RIMS2: variants seen among roughly 807,000 people sequenced by gnomAD.
The protein encoded by RIMS2 is regulating synaptic membrane exocytosis 2.
RIMS2 carries 59 observed loss-of-function variants against 174.4 expected under a neutral mutation model. The ratio of observed to expected loss-of-function variants is 0.34; its 90% CI spans 0.27 to 0.42. The LOEUF (loss-of-function observed/expected upper bound fraction) is 0.42, where lower values mean the gene tolerates loss of function less well. Ranked by LOEUF, RIMS2 falls within the 10% of genes least tolerant of loss-of-function variation. The pLI, the probability that RIMS2 is intolerant of heterozygous loss-of-function variation, is 1.00. For synonymous variants in RIMS2, 606 were observed against 572.5 expected (o/e 1.06, Z -0.84); for missense variants, 1,620 against 1,666.3 (o/e 0.97, Z 0.48).
chr8:103,652,206 G>A (rs1477828955), intron 1 of RIMS2: 2 of 1,346,946 alleles, frequency 1.5e-6, no homozygotes, highest in Non-Finnish European at 2.0e-6. Context: ...TCTTTTTAGG[G>A]TCAAAGAAGA....
At chr8:104,255,877 CTG>C (rs2099366807), downstream of RIMS2, 1 of 152,196 alleles carries the variant, frequency 6.6e-6, no homozygotes, top group Non-Finnish European at 1.5e-5. Context: ...AACAACAAGT[CTG>C]TGCCACACAC....
chr8:103,589,620 C>G (rs1214544285), intron 1 of RIMS2, among the ~76,000 whole-genome samples: 1 of 151,464 alleles, frequency 6.6e-6, no homozygotes, highest in Non-Finnish European at 1.5e-5. Flanking sequence ...GAAGAAGTAT[C>G]TGAACTCCTA....
At chr8:103,746,755 A>G (rs893826337) in intron 2 of RIMS2, among the ~76,000 whole-genome samples, 3 of 151,786 alleles carry the variant, frequency 2.0e-5, no homozygotes, top group African/African-American at 7.3e-5. Context: ...ATCTCGGCTC[A>G]CTGCAACCTC....
rs1439228407 is a variant in RIMS2, at chr8:103,589,071, AAG to A, written c.176+88011_176+88012del. ...CTACCTAGAGCATTCAGACAAGAGAAAGAAATAAAGGGCATCTAAGTTGGAAA... is the reference window on the plus strand; with the variant it reads ...CTACCTAGAGCATTCAGACAAGAGAAAAATAAAGGGCATCTAAGTTGGAAA... On this transcript the variant is annotated intron_variant, in intron 1 of 23. Coordinates refer to ENST00000504942, the Ensembl canonical transcript of RIMS2. Among the ~76,000 whole-genome samples the A allele has an allele frequency of 2.6e-5, 4 of 151,838 alleles. No individual in the cohort carries two copies. The East Asian group carries it at 7.7e-4, about 29-fold the overall frequency.
At chr8:103,611,790 T>C (rs2095374757) in intron 1 of RIMS2, among the ~76,000 whole-genome samples, 1 of 152,102 alleles carries the variant, frequency 6.6e-6, no homozygotes, top group African/African-American at 2.4e-5. Context: ...TTCTATAGCC[T>C]TCTTGTACTT....
intron 19 of RIMS2, among the ~76,000 whole-genome samples, chr8:104,194,680 C>A (rs1274389867): frequency 6.6e-6 from 1 of 152,010 alleles, no homozygotes; most frequent in Non-Finnish European, 1.5e-5. Context: ...AATAAATAGA[C>A]ATATTATATA....
chr8:103,635,504 C>A (rs764972046), intron 1 of RIMS2, among the ~76,000 whole-genome samples: 6 of 152,278 alleles, frequency 3.9e-5, no homozygotes, highest in Admixed American at 1.3e-4. Context: ...CCTTTCTAGT[C>A]CCTAGTCACC....
chr8:103,725,422 T>G (rs904317613), intron 2 of RIMS2, among the ~76,000 whole-genome samples: 1 of 152,192 alleles, frequency 6.6e-6, no homozygotes, highest in African/African-American at 2.4e-5. Context: ...GCAATCACCC[T>G]TCTGACCTTA....
At chr8:104,243,898 G>GT (rs2099316567) in intron 19 of RIMS2, among the ~76,000 whole-genome samples, 1 of 152,116 alleles carries the variant, frequency 6.6e-6, no homozygotes, top group African/African-American at 2.4e-5. Context: ...TTTGGGCTCA[G>GT]TTTTTTGTGG....
chr8:104,094,023 A>G (rs1053764855), intron 19 of RIMS2, among the ~76,000 whole-genome samples: 1 of 151,998 alleles, frequency 6.6e-6, no homozygotes, highest in Non-Finnish European at 1.5e-5. Flanking sequence ...TAAGAATGTT[A>G]CTTTTTCAGT....
chr8:103,864,400 T>G (rs913651710), intron 3 of RIMS2, among the ~76,000 whole-genome samples: 8 of 152,140 alleles, frequency 5.3e-5, no homozygotes, highest in African/African-American at 1.9e-4. Context: ...TCTCAAAAAG[T>G]TGATTTCTGT....
At chr8:104,253,163 A>C (rs2099362974), downstream of RIMS2, 1 of 152,236 alleles carries the variant, frequency 6.6e-6, no homozygotes, top group South Asian at 2.1e-4. Flanking sequence ...TTCAGTTTAC[A>C]GGAAAATTCT....
intron 19 of RIMS2, 85 bp downstream of exon 21, chr8:104,014,700 A>G (rs778276394): frequency 1.8e-5 from 13 of 721,218 alleles, no homozygotes; most frequent in Non-Finnish European, 3.1e-5. Flanking sequence ...CTTTGTGTTA[A>G]TTTTCTTCTT....
chr8:103,633,625 C>T (rs1261237838), intron 1 of RIMS2, among the ~76,000 whole-genome samples: 1 of 152,072 alleles, frequency 6.6e-6, no homozygotes, highest in African/African-American at 2.4e-5. Context: ...TGTCTTTGGA[C>T]ATCTAGTAGA....
intron 15 of RIMS2, among the ~76,000 whole-genome samples, chr8:103,964,044 T>C (rs2091045426): frequency 6.6e-6 from 1 of 152,210 alleles, no homozygotes; most frequent in South Asian, 2.1e-4. Context: ...ATTGTCTGGA[T>C]ATACCACAGT....
At chr8:103,763,148 G>A (rs2098130323) in intron 2 of RIMS2, among the ~76,000 whole-genome samples, 2 of 151,924 alleles carry the variant, frequency 1.3e-5, no homozygotes, top group African/African-American at 4.8e-5. Context: ...ATATGAATAG[G>A]AAAATACTAG....
At chr8:103,577,899 A>G (rs1032620454) in intron 1 of RIMS2, among the ~76,000 whole-genome samples, 2 of 152,176 alleles carry the variant, frequency 1.3e-5, no homozygotes, top group Admixed American at 6.5e-5. Context: ...TTTTGAAAAT[A>G]CTGAAATATG....
At chr8:103,893,149 C>T (rs1465804786) in intron 4 of RIMS2, among the ~76,000 whole-genome samples, 1 of 151,918 alleles carries the variant, frequency 6.6e-6, no homozygotes, top group Non-Finnish European at 1.5e-5. Flanking sequence ...TTCATTATTT[C>T]TTTCAGCTAA....
intron 1 of RIMS2, among the ~76,000 whole-genome samples, chr8:103,507,279 C>A (rs1291768391): frequency 6.6e-6 from 1 of 151,924 alleles, no homozygotes; most frequent in Non-Finnish European, 1.5e-5. Context: ...ATAACAATAC[C>A]TTTTATATTT....
Sources: allele counts gnomAD v4.1 joint callset (sites outside exome capture counted in the v4.1 genomes callset), GRCh38; gene constraint gnomAD v4.1.1; transcripts MANE v1.5; gene names NCBI Gene and HGNC (gene_info 2026-07-23, HGNC 2026-07-21).